Variants in NAALADL2 observed in about 807,000 individuals in gnomAD.
NAALADL2 encodes the protein N-acetylated alpha-linked acidic dipeptidase like 2.
Under a neutral mutation model 87.2 loss-of-function variants are expected in NAALADL2, and 76 were observed. That is an observed-to-expected ratio of 0.87 (90% CI 0.72 to 1.05). The LOEUF (loss-of-function observed/expected upper bound fraction) is 1.05, where lower values mean the gene tolerates loss of function less well. Ranked by LOEUF, NAALADL2 falls within the 50% of genes least tolerant of loss-of-function variation. The probability of loss-of-function intolerance (pLI) is 0.00; values close to 1 mark genes in which losing one functional copy is unlikely to be tolerated. For missense variants in NAALADL2, 1,089 were observed against 945.8 expected, an observed-to-expected ratio of 1.15 and a Z score of -1.99; for synonymous variants, 354 against 331.0, an observed-to-expected ratio of 1.07 and a Z score of -0.75.
chr3:174,845,366 C>T (rs1445904749), intron 3 of NAALADL2, among the ~76,000 whole-genome samples: 1 of 152,156 alleles, frequency 6.6e-6, no homozygotes, highest in African/African-American at 2.4e-5. Context: ...TAGGCTGGGG[C>T]CACCTTCAGT....
intron 1 of NAALADL2, among the ~76,000 whole-genome samples, chr3:174,952,691 A>G (rs1280481948): frequency 6.6e-6 from 1 of 152,080 alleles, no homozygotes; most frequent in African/African-American, 2.4e-5. Flanking sequence ...ACCCATGGAA[A>G]TTAATGTACT....
At chr3:174,716,236 CAGAA>C (rs532572088) in intron 2 of NAALADL2, among the ~76,000 whole-genome samples, 37 of 152,240 alleles carry the variant, frequency 2.4e-4, no homozygotes, top group African/African-American at 8.2e-4. Context: ...ACAGGTAAGT[CAGAA>C]AGGCATACCT....
At chr3:174,855,964 A>ATGTG (rs752520850), upstream of NAALADL2, among the ~76,000 whole-genome samples, 1 of 103,810 alleles carries the variant, frequency 9.6e-6, no homozygotes, top group Non-Finnish European at 1.8e-5. Flanking sequence ...ATATATGTGT[A>ATGTG]TGTGTGTGTG....
chr3:174,828,840 G>T (rs1198177247), intron 3 of NAALADL2, among the ~76,000 whole-genome samples: 3 of 152,116 alleles, frequency 2.0e-5, no homozygotes, highest in African/African-American at 7.2e-5. Context: ...GGTCCAATCA[G>T]TTAAACTGTG....
rs113020417 is a variant in NAALADL2 at position 175,532,044 on chromosome 3, A to G, written c.1654-43997A>G. On this transcript the variant is annotated intron_variant, in intron 9 of 13. Coordinates refer to ENST00000454872, the MANE Select transcript of NAALADL2 (RefSeq NM_207015.3). ...CCACCCTAATAGCCCTCACCCTACC[A>G]GTCAGGGAGCAAATGTGGGGATTCT... is the stretch of plus-strand genomic sequence containing the variant. 9.1e-3 allele frequency among the ~76,000 whole-genome samples: 1,393 copies of G among 152,292 alleles called. 27 individuals carry two copies. The highest frequency in any genetic ancestry group is 0.031 in the African/African-American group (1,298 of 41,548).
chr3:175,747,847 C>T (rs1029999539), intron 12 of NAALADL2, among the ~76,000 whole-genome samples: 4 of 152,112 alleles, frequency 2.6e-5, no homozygotes, highest in African/African-American at 9.7e-5. Context: ...CCAGTGACAA[C>T]ATCTATAGGT....
intron 9 of NAALADL2, among the ~76,000 whole-genome samples, chr3:175,571,372 C>A (rs1300744282): frequency 6.6e-6 from 1 of 152,126 alleles, no homozygotes; most frequent in Non-Finnish European, 1.5e-5. Context: ...AAATATGAGG[C>A]ATTTTGAACT....
intron 2 of NAALADL2, among the ~76,000 whole-genome samples, chr3:174,610,260 G>A (rs1719674375): frequency 6.6e-6 from 1 of 151,908 alleles, no homozygotes; most frequent in Non-Finnish European, 1.5e-5. Context: ...CATGGGCAAG[G>A]ACTTCATGTC....
At chr3:175,130,601 A>AT (rs1184350396) in intron 2 of NAALADL2, among the ~76,000 whole-genome samples, 2 of 152,196 alleles carry the variant, frequency 1.3e-5, no homozygotes, top group African/African-American at 4.8e-5. Context: ...TGAAGAAACT[A>AT]TCTTTTCTCT....
chr3:175,491,118 C>A (rs577493715), intron 9 of NAALADL2, among the ~76,000 whole-genome samples: 29 of 150,038 alleles, frequency 1.9e-4, no homozygotes, highest in Non-Finnish European at 3.9e-4. Flanking sequence ...TTCCAACACC[C>A]CAGAGCTGCA....
At chr3:175,114,885 A>T (rs1476329942) in intron 2 of NAALADL2, among the ~76,000 whole-genome samples, 2 of 151,590 alleles carry the variant, frequency 1.3e-5, no homozygotes, top group Admixed American at 6.6e-5. Flanking sequence ...ATAGTAATTC[A>T]CTTTGGCCAA....
intron 2 of NAALADL2, among the ~76,000 whole-genome samples, chr3:174,588,453 C>G (rs1716973418): frequency 6.6e-6 from 1 of 152,186 alleles, no homozygotes; most frequent in South Asian, 2.1e-4. Context: ...AAGAGGCGCT[C>G]TGATTTTTAG....
intron 9 of NAALADL2, among the ~76,000 whole-genome samples, chr3:175,476,294 G>A (rs1694914691): frequency 6.6e-6 from 1 of 152,142 alleles, no homozygotes; most frequent in Non-Finnish European, 1.5e-5. Context: ...GCTGTGCACA[G>A]CATTGCTTTA....
intron 2 of NAALADL2, among the ~76,000 whole-genome samples, chr3:175,111,938 A>T (rs1404197478): frequency 6.6e-6 from 1 of 151,656 alleles, no homozygotes; most frequent in Non-Finnish European, 1.5e-5. Context: ...TCCCAACTCC[A>T]TTACATCCAG....
rs574609491 is a variant in NAALADL2 at position 174,550,436 on chromosome 3, G to T, written c.-183-133G>T. 2.0e-4 allele frequency: 31 copies of T among 152,072 alleles called. 1 individual carries two copies. The South Asian group carries it at 5.8e-3, about 29-fold the overall frequency. The allele number at this position is 152,072 out of a possible 1,614,324, so 9.4% of individuals were successfully genotyped here. On this transcript the variant is annotated intron_variant, in intron 1 of 3. Transcript: ENST00000434257. ...TACAGTGATTTTAACATAGTTAAAA[G>T]ATTCTGCAACATAATTATTCTGCAA...
chr3:175,603,494 T>C lies in NAALADL2; in HGVS notation c.1801-23797T>C, dbSNP rs1451257563. On this transcript the variant is annotated intron_variant, in intron 10 of 13. Coordinates refer to ENST00000454872, the MANE Select transcript of NAALADL2 (RefSeq NM_207015.3). ...CCCACTCCCTTCTCCCTCCAGGCCC[T>C]GACAACCACCTGTTAGTTTCTATCT... Among the ~76,000 whole-genome samples, 3 of 152,164 alleles carry C rather than the reference T, an allele frequency of 2.0e-5. No homozygotes were observed. The East Asian group carries it at 5.8e-4, about 29-fold the overall frequency.
intron 2 of NAALADL2, among the ~76,000 whole-genome samples, chr3:174,709,239 A>T (rs1354419920): frequency 6.6e-6 from 1 of 152,152 alleles, no homozygotes; most frequent in African/African-American, 2.4e-5. Context: ...GGTCAGACAT[A>T]TTCATTATAG....
intron 1 of NAALADL2, among the ~76,000 whole-genome samples, chr3:174,463,565 A>C (rs1716337661): frequency 6.6e-6 from 1 of 152,006 alleles, no homozygotes; most frequent in South Asian, 2.1e-4. Flanking sequence ...GAGAATCCTA[A>C]ATACTACATT....
chr3:174,667,347 T>C (rs999216386), intron 2 of NAALADL2, among the ~76,000 whole-genome samples: 1 of 152,064 alleles, frequency 6.6e-6, no homozygotes, highest in Admixed American at 6.6e-5. Context: ...GTTTCCTGCT[T>C]TAAGGGCACT....
Sources: allele counts gnomAD v4.1 joint callset (sites outside exome capture counted in the v4.1 genomes callset), GRCh38; gene constraint gnomAD v4.1.1; transcripts MANE v1.5; gene names NCBI Gene and HGNC (gene_info 2026-07-23, HGNC 2026-07-21).